The following RANBP2 variants were observed in gnomAD, a reference collection of about 807,000 sequenced individuals.
RANBP2 encodes RAN binding protein 2, also known as E3 SUMO-protein ligase RanBP2.
A neutral mutation model predicts 303.6 loss-of-function variants in RANBP2; 57 were observed. The observed-to-expected ratio is 0.19, with a 90% confidence interval of 0.15 to 0.23. The LOEUF (loss-of-function observed/expected upper bound fraction) is 0.23, where lower values mean the gene tolerates loss of function less well. Among genes scored for constraint, RANBP2 ranks in the 10% least tolerant of loss-of-function variants. The pLI, the probability that RANBP2 is intolerant of heterozygous loss-of-function variation, is 1.00. For synonymous variants in RANBP2, 1,167 were observed against 1,301.5 expected, an observed-to-expected ratio of 0.90 and a Z score of 2.23; for missense variants, 3,138 against 3,780.8, an observed-to-expected ratio of 0.83 and a Z score of 4.46.
At chr2:109,280,352 G>T in the RANBP2 span, among the ~76,000 whole-genome samples, 1 of 152,206 alleles carries the variant, frequency 6.6e-6, no homozygotes, top group Non-Finnish European at 1.5e-5. Context: ...GCCAGTGGCA[G>T]TGGGCTCTGA....
chr2:109,691,363 T>A, the RANBP2 span, among the ~76,000 whole-genome samples: 2 of 152,102 alleles, frequency 1.3e-5, no homozygotes, highest in Admixed American at 1.3e-4. Context: ...CACAGGTCGG[T>A]GATCAATCAG....
the RANBP2 span, among the ~76,000 whole-genome samples, chr2:108,964,816 T>G: frequency 6.6e-6 from 1 of 152,236 alleles, no homozygotes; most frequent in East Asian, 1.9e-4. Flanking sequence ...TCAGAAGACC[T>G]TCCAGAGAGC....
the RANBP2 span, among the ~76,000 whole-genome samples, chr2:109,629,062 C>G: frequency 6.6e-6 from 1 of 151,442 alleles, no homozygotes; most frequent in Admixed American, 6.6e-5. Flanking sequence ...ATTTGCTGGG[C>G]CTGGTGGTGG....
chr2:109,529,027 G>A, the RANBP2 span, among the ~76,000 whole-genome samples: 7,265 of 152,258 alleles, frequency 0.048, 591 homozygotes, highest in African/African-American at 0.16. Flanking sequence ...TTGTGCCACG[G>A]GTGCTGAGTT....
chr2:108,807,357 C>G, the RANBP2 span, among the ~76,000 whole-genome samples: 1 of 152,148 alleles, frequency 6.6e-6, no homozygotes, highest in Non-Finnish European at 1.5e-5. Flanking sequence ...AATTTAAGAA[C>G]TCCATTGAAT....
chr2:109,042,617 G>C, the RANBP2 span, among the ~76,000 whole-genome samples: 1 of 152,156 alleles, frequency 6.6e-6, no homozygotes, highest in Admixed American at 6.5e-5. Flanking sequence ...GTTCTCCTGG[G>C]TCTTAGCCTT....
the RANBP2 span, among the ~76,000 whole-genome samples, chr2:109,021,906 T>C: frequency 1.3e-5 from 2 of 152,028 alleles, no homozygotes; most frequent in East Asian, 1.9e-4. Flanking sequence ...CCACCAGGGA[T>C]TGAGAAGTGC....
chr2:109,523,258 C>T, the RANBP2 span, among the ~76,000 whole-genome samples: 1 of 152,194 alleles, frequency 6.6e-6, no homozygotes, highest in Admixed American at 6.5e-5. Context: ...GCTGCAGAAG[C>T]TGCCAGTGGC....
the RANBP2 span, among the ~76,000 whole-genome samples, chr2:109,192,373 C>T: frequency 6.6e-6 from 1 of 152,196 alleles, no homozygotes; most frequent in South Asian, 2.1e-4. Flanking sequence ...AGGCATCATT[C>T]TCAAAATGTG....
the RANBP2 span, chr2:109,616,638 T>C: frequency 0.43 from 72,081 of 166,864 alleles, 16,164 homozygotes; most frequent in African/African-American, 0.55. Context: ...AATGGGAATC[T>C]TCTTGGTATT....
chr2:109,488,684 C>A, the RANBP2 span, among the ~76,000 whole-genome samples: 3 of 152,314 alleles, frequency 2.0e-5, no homozygotes, highest in African/African-American at 7.2e-5. Context: ...GTTGTGCCGC[C>A]AACAAGAGTT....
the RANBP2 span, among the ~76,000 whole-genome samples, chr2:109,337,068 G>A: frequency 6.6e-6 from 1 of 152,202 alleles, no homozygotes; most frequent in Non-Finnish European, 1.5e-5. Flanking sequence ...ATAGCAAACC[G>A]TATTTAGTAT....
At chr2:109,471,545 G>A in the RANBP2 span, among the ~76,000 whole-genome samples, 1 of 152,102 alleles carries the variant, frequency 6.6e-6, no homozygotes, top group African/African-American at 2.4e-5. Flanking sequence ...GATTTGAGTG[G>A]GGACACAGAG....
At chr2:108,787,506 T>C (rs1162195563), downstream of RANBP2, among the ~76,000 whole-genome samples, 1 of 152,200 alleles carries the variant, frequency 6.6e-6, no homozygotes, top group Non-Finnish European at 1.5e-5. Context: ...ACCACAGTAA[T>C]ATTTTCAGGA....
the RANBP2 span, among the ~76,000 whole-genome samples, chr2:109,408,525 C>T: frequency 3.9e-5 from 6 of 152,340 alleles, no homozygotes; most frequent in Non-Finnish European, 8.8e-5. Flanking sequence ...CACGCGCTCA[C>T]GCCCAGGCCG....
the RANBP2 span, among the ~76,000 whole-genome samples, chr2:108,842,814 G>A: frequency 6.6e-6 from 1 of 152,040 alleles, no homozygotes. Flanking sequence ...TGAATGCCAG[G>A]GCAACATCAA....
the RANBP2 span, among the ~76,000 whole-genome samples, chr2:109,165,047 C>T: frequency 6.6e-6 from 1 of 152,146 alleles, no homozygotes; most frequent in Admixed American, 6.5e-5. Flanking sequence ...AATCATTTTC[C>T]ATCTCTGTTG....
chr2:108,929,339 A>T, the RANBP2 span: 1 of 1,613,934 alleles, frequency 6.2e-7, no homozygotes, highest in African/African-American at 1.3e-5. Flanking sequence ...CGGGCAGGGG[A>T]CGCAGCCGTA....
At chr2:109,122,714 A>T in the RANBP2 span, among the ~76,000 whole-genome samples, 4 of 152,030 alleles carry the variant, frequency 2.6e-5, no homozygotes, top group East Asian at 1.9e-4. Context: ...TACAAAAATT[A>T]AAAAAAATTA....
Sources: allele counts gnomAD v4.1 joint callset (sites outside exome capture counted in the v4.1 genomes callset), GRCh38; gene constraint gnomAD v4.1.1; transcripts MANE v1.5; gene names NCBI Gene and HGNC (gene_info 2026-07-23, HGNC 2026-07-21).